PLA2G4A: variants seen among roughly 807,000 people sequenced by gnomAD.
The protein encoded by PLA2G4A is phospholipase A2 group IVA.
PLA2G4A carries 40 observed loss-of-function variants against 81.9 expected under a neutral mutation model. The ratio of observed to expected loss-of-function variants is 0.49; its 90% confidence interval spans 0.38 to 0.64. The LOEUF is 0.64. PLA2G4A is among the 30% of genes least tolerant of loss of function. The pLI, the probability that PLA2G4A is intolerant of heterozygous loss-of-function variation, is 0.00. For synonymous variants in PLA2G4A, 302 were observed against 296.9 expected, an observed-to-expected ratio of 1.02 and a Z score of -0.18; for missense variants, 715 against 905.1, an observed-to-expected ratio of 0.79 and a Z score of 2.69.
In PLA2G4A at chr1:186,946,973, A is replaced by T. The variant is rs767760844; in HGVS notation, c.1264+12A>T. The T allele has an allele frequency of 2.4e-5, 32 of 1,359,040 alleles. No homozygotes were observed. Among genetic ancestry groups the T allele is most frequent in the Non-Finnish European group, 2.8e-5 (27 of 947,388 alleles). 84.2% of individuals were successfully genotyped at this position (1,359,040 alleles called of 1,614,324 possible). ...GGAGGAAGAATTAGGTATCCTAAAG[A>T]TATGCTTACATTGATACAAATCTTG... On this transcript the variant is annotated intron_variant, in intron 12 of 17. Coordinates refer to ENST00000367466, the MANE Select transcript of PLA2G4A (RefSeq NM_024420.3).
rs551457303 is a variant in PLA2G4A, at chr1:186,901,828, T to A, written c.379-5137T>A. On this transcript the variant is annotated intron_variant, in intron 5 of 17. Coordinates refer to ENST00000367466, the MANE Select transcript of PLA2G4A (RefSeq NM_024420.3). ...GTCTTTCAAGTCTGTTAAGAACAATTTTTTTGTGTGTGTGGGTTTGGGGGG... is the reference window on the plus strand; with the variant it reads ...GTCTTTCAAGTCTGTTAAGAACAATATTTTTGTGTGTGTGGGTTTGGGGGG... 1.3e-4 allele frequency among the ~76,000 whole-genome samples: 20 copies of A among 152,266 alleles called. No individual in the cohort carries two copies. In the South Asian group the frequency reaches 4.1e-3, roughly 32 times the overall value.
chr1:186,954,700 A>G (rs909886074), intron 13 of PLA2G4A, among the ~76,000 whole-genome samples: 1 of 151,934 alleles, frequency 6.6e-6, no homozygotes, highest in African/African-American at 2.4e-5. Flanking sequence ...CACACACACA[A>G]TCACGCACAC....
chr1:186,855,421 G>A (rs1436795483), intron 2 of PLA2G4A, among the ~76,000 whole-genome samples: 1 of 151,688 alleles, frequency 6.6e-6, no homozygotes, highest in Non-Finnish European at 1.5e-5. Context: ...ATAAATTGAG[G>A]TATAATATAC....
intron 1 of PLA2G4A, among the ~76,000 whole-genome samples, chr1:186,847,351 T>C (rs924056946): frequency 8.0e-6 from 1 of 125,542 alleles, no homozygotes; most frequent in African/African-American, 3.2e-5. Flanking sequence ...GTGCTATTAT[T>C]TCATACGTGT....
At chr1:186,903,097 A>T (rs1398542498) in intron 5 of PLA2G4A, among the ~76,000 whole-genome samples, 2 of 152,112 alleles carry the variant, frequency 1.3e-5, no homozygotes, top group Non-Finnish European at 2.9e-5. Context: ...TTCTAAGTAA[A>T]ATTGACCCTT....
intron 7 of PLA2G4A, among the ~76,000 whole-genome samples, chr1:186,917,008 G>GT (rs765445753): frequency 4.1e-4 from 63 of 152,148 alleles, no homozygotes; most frequent in Admixed American, 7.2e-4. Context: ...CTTTGCAGGG[G>GT]TTGTCCGGGC....
intron 8 of PLA2G4A, among the ~76,000 whole-genome samples, chr1:186,936,910 T>G (rs1248258674): frequency 6.6e-6 from 1 of 151,978 alleles, no homozygotes; most frequent in Non-Finnish European, 1.5e-5. Context: ...ATAGAGGCCC[T>G]GCTATGTCTA....
intron 17 of PLA2G4A, among the ~76,000 whole-genome samples, chr1:186,979,768 G>T (rs1657655849): frequency 6.6e-6 from 1 of 151,924 alleles, no homozygotes; most frequent in Non-Finnish European, 1.5e-5. Flanking sequence ...AAGTAAGGAA[G>T]AAAAGTGATG....
chr1:186,976,751 T>C (rs997960398), intron 15 of PLA2G4A, among the ~76,000 whole-genome samples: 5 of 152,206 alleles, frequency 3.3e-5, no homozygotes, highest in African/African-American at 4.8e-5. Flanking sequence ...TGTTCTCCAG[T>C]TTAAATTTAA....
intron 7 of PLA2G4A, among the ~76,000 whole-genome samples, chr1:186,924,730 T>A (rs1655487078): frequency 6.6e-6 from 1 of 151,878 alleles, no homozygotes; most frequent in African/African-American, 2.4e-5. Context: ...CATGCCACCA[T>A]GCCCCATGAG....
intron 12 of PLA2G4A, among the ~76,000 whole-genome samples, chr1:186,949,693 C>G (rs1318865664): frequency 6.6e-6 from 1 of 152,012 alleles, no homozygotes; most frequent in Non-Finnish European, 1.5e-5. Context: ...CCTTCCATTA[C>G]TAACTCTTGC....
At chr1:186,860,607 T>C (rs1039880247) in intron 2 of PLA2G4A, among the ~76,000 whole-genome samples, 4 of 152,142 alleles carry the variant, frequency 2.6e-5, no homozygotes, top group East Asian at 1.9e-4. Context: ...CTAAAAACAA[T>C]GTTTAATCTG....
chr1:186,870,366 T>A, intron 2 of PLA2G4A, 69 bp from the exon 3 acceptor site: 1 of 899,896 alleles, frequency 1.1e-6, no homozygotes, highest in Non-Finnish European at 1.9e-6. Context: ...TATTTTAAAT[T>A]AATCTCAAGG....
chr1:186,946,306 A>G (rs1557886558), intron 10 of PLA2G4A, among the ~76,000 whole-genome samples: 1 of 152,140 alleles, frequency 6.6e-6, no homozygotes, highest in Non-Finnish European at 1.5e-5. Flanking sequence ...TGAAATTTAT[A>G]TCTAGTTAGC....
chr1:186,857,144 T>TA (rs1269528236), intron 2 of PLA2G4A, among the ~76,000 whole-genome samples: 14,778 of 35,104 alleles, frequency 0.42, 3,336 homozygotes, highest in Non-Finnish European at 0.48. Context: ...ATTATATAAT[T>TA]ATATAATTAC....
chr1:186,969,057 C>T (rs1657244731), intron 15 of PLA2G4A, among the ~76,000 whole-genome samples: 1 of 151,732 alleles, frequency 6.6e-6, no homozygotes, highest in Non-Finnish European at 1.5e-5. Flanking sequence ...TATTAATAAA[C>T]ATTCTTTTTA....
intron 17 of PLA2G4A, among the ~76,000 whole-genome samples, chr1:186,982,999 G>A (rs943688652): frequency 1.4e-4 from 21 of 151,546 alleles, no homozygotes; most frequent in Non-Finnish European, 2.5e-4. Context: ...CAGGAGAATG[G>A]TGTGAACCAG....
chr1:186,944,305 G>A (rs1162131534), intron 10 of PLA2G4A, among the ~76,000 whole-genome samples: 3 of 152,164 alleles, frequency 2.0e-5, no homozygotes, highest in Non-Finnish European at 2.9e-5. Context: ...AACACCGTGA[G>A]TTCTTCAGTG....
At position 186,839,330 on chromosome 1, in the gene PLA2G4A, C is replaced by A. The variant is rs373409289; in HGVS notation, c.-70+10295C>A. On this transcript the variant is annotated intron_variant, in intron 1 of 17. Coordinates refer to ENST00000367466, the MANE Select transcript of PLA2G4A (RefSeq NM_024420.3). The stretch of plus-strand genomic sequence containing the variant: ...CTTCTTTTTCCTCCTTTTTTCCCTA[C>A]CTCCCGGAGACATGTCCTGAAGTGG... 3.4e-4 allele frequency among the ~76,000 whole-genome samples: 52 copies of A among 152,278 alleles called. 1 individual carries two copies. The East Asian group carries it at 8.3e-3, about 24-fold the overall frequency.
Sources: gnomAD v4.1 joint callset for allele counts (sites outside exome capture counted in the v4.1 genomes callset) on GRCh38, gnomAD v4.1.1 for gene constraint, MANE v1.5 for transcripts, NCBI Gene and HGNC (gene_info 2026-07-23, HGNC 2026-07-21) for gene names.